The following DKK2 variants were observed in gnomAD, a reference collection of about 807,000 sequenced individuals.
DKK2 encodes the protein dickkopf-related protein 2.
Under a neutral mutation model 28.1 loss-of-function variants are expected in DKK2, and 11 were observed. That is an observed-to-expected ratio of 0.39 (90% CI 0.25 to 0.65). The LOEUF is 0.65. Ranked by LOEUF, DKK2 falls within the 30% of genes least tolerant of loss-of-function variation. DKK2 has a pLI of 0.47. For missense variants in DKK2, 326 were observed against 335.5 expected, an observed-to-expected ratio of 0.97 and a Z score of 0.22; for synonymous variants, 135 against 126.5, an observed-to-expected ratio of 1.07 and a Z score of -0.45.
Position 107,023,313 on chromosome 4 carries a change from A to G in DKK2, c.222+12057T>C, listed in dbSNP as rs960206235. ...ATTTTGGAAAACGATTTTAGCTTATAAAAATAAAACAATCACTGTGAAAAG... is the reference window on the plus strand; with the variant it reads ...ATTTTGGAAAACGATTTTAGCTTATGAAAATAAAACAATCACTGTGAAAAG... On this transcript the variant is annotated intron_variant, in intron 1 of 3. Transcript: ENST00000285311. 2.6e-5 allele frequency among the ~76,000 whole-genome samples: 4 copies of G among 152,122 alleles called. 1 individual carries two copies. Among genetic ancestry groups the G allele is most frequent in the African/African-American group, 4.8e-5 (2 of 41,452 alleles).
At chr4:106,959,051 T>A (rs1021422571) in intron 1 of DKK2, among the ~76,000 whole-genome samples, 49 of 151,994 alleles carry the variant, frequency 3.2e-4, no homozygotes, top group African/African-American at 1.2e-3. Flanking sequence ...AGATATTAAA[T>A]ACATATGTGT....
chr4:107,027,441 C>T (rs1460510869), intron 1 of DKK2, among the ~76,000 whole-genome samples: 4 of 147,990 alleles, frequency 2.7e-5, no homozygotes, highest in Non-Finnish European at 5.9e-5. Flanking sequence ...TTACCTAAAT[C>T]GCCAAAAAAT....
intron 1 of DKK2, among the ~76,000 whole-genome samples, chr4:106,944,831 A>G (rs1209247309): frequency 6.6e-6 from 1 of 152,072 alleles, no homozygotes; most frequent in Non-Finnish European, 1.5e-5. Flanking sequence ...CCCTTGTTCT[A>G]TAAGAGGAAA....
intron 1 of DKK2, among the ~76,000 whole-genome samples, chr4:106,968,022 G>A (rs1722809431): frequency 6.7e-6 from 1 of 150,200 alleles, no homozygotes. Context: ...ATGAAGGCAG[G>A]AAGGAAGGAA....
intron 1 of DKK2, among the ~76,000 whole-genome samples, chr4:106,969,048 C>T (rs1722824105): frequency 6.6e-6 from 1 of 151,820 alleles, no homozygotes; most frequent in Admixed American, 6.6e-5. Flanking sequence ...AAAAGTACAT[C>T]CCAGTTCTTT....
chr4:107,018,080 G>T (rs1289682121), intron 1 of DKK2, among the ~76,000 whole-genome samples: 2 of 151,990 alleles, frequency 1.3e-5, no homozygotes, highest in African/African-American at 4.8e-5. Context: ...CAAAACGTTG[G>T]CCCAGACTCT....
intron 1 of DKK2, among the ~76,000 whole-genome samples, chr4:107,023,273 T>G (rs1211376270): frequency 2.0e-5 from 3 of 152,238 alleles, no homozygotes; most frequent in Middle Eastern, 3.4e-3. Context: ...TGGATAAAAT[T>G]AAGAGTTTTC....
intron 1 of DKK2, among the ~76,000 whole-genome samples, chr4:106,972,421 T>TAAAAAA (rs71590172): frequency 1.4e-5 from 2 of 138,150 alleles, no homozygotes; most frequent in Non-Finnish European, 1.6e-5. Context: ...AATGAAAATC[T>TAAAAAA]AAAAAAAAAA....
chr4:106,976,839 G>A (rs1009540914), intron 1 of DKK2, among the ~76,000 whole-genome samples: 2 of 152,146 alleles, frequency 1.3e-5, no homozygotes, highest in Non-Finnish European at 2.9e-5. Flanking sequence ...AGGGTCGATG[G>A]TCTTTACAAT....
chr4:106,930,336 C>T (rs1724484201), intron 1 of DKK2, among the ~76,000 whole-genome samples: 1 of 152,020 alleles, frequency 6.6e-6, no homozygotes, highest in African/African-American at 2.4e-5. Flanking sequence ...AAGAAAAGGC[C>T]CAATAACTTG....
chr4:106,942,031 T>G (rs1302457594), intron 1 of DKK2, among the ~76,000 whole-genome samples: 1 of 152,156 alleles, frequency 6.6e-6, no homozygotes, highest in African/African-American at 2.4e-5. Flanking sequence ...GAGATTTATG[T>G]CTAGTGAACA....
chr4:106,999,683 A>G (rs1723329875), intron 1 of DKK2, among the ~76,000 whole-genome samples: 1 of 152,196 alleles, frequency 6.6e-6, no homozygotes, highest in Non-Finnish European at 1.5e-5. Flanking sequence ...AAATTCAGCC[A>G]CCATGCCTCC....
chr4:106,990,909 ATG>A (rs550546484), intron 1 of DKK2, among the ~76,000 whole-genome samples: 213 of 152,178 alleles, frequency 1.4e-3, no homozygotes, highest in African/African-American at 4.8e-3. Context: ...ACTTCTGTAC[ATG>A]TAGAAGAAAA....
intron 2 of DKK2, 73 bp downstream of exon 2, chr4:106,925,726 T>G (rs1212875377): frequency 2.0e-6 from 3 of 1,520,044 alleles, no homozygotes; most frequent in Admixed American, 2.2e-5. Flanking sequence ...AAGGAGACGA[T>G]AGCCTGACTT....
At chr4:107,025,468 T>C (rs1429600853) in intron 1 of DKK2, among the ~76,000 whole-genome samples, 2 of 151,926 alleles carry the variant, frequency 1.3e-5, no homozygotes, top group Admixed American at 6.6e-5. Flanking sequence ...GGAGTGTGAG[T>C]GGAGGAGGGA....
chr4:106,925,885 C>T lies in DKK2; in HGVS notation c.287G>A (p.Gly96Glu), dbSNP rs1724417591. The T allele has an allele frequency of 1.2e-6, 2 of 1,613,736 alleles. No homozygotes were observed. The highest frequency in any genetic ancestry group is 1.7e-6 in the Non-Finnish European group (2 of 1,179,898). ...CCGACACACCATGCAGGCCGATGAT[C>T]CTTGGTGGGGACTGTGGCAATACCT... ...VGRYCHSPHQ[G>E]SSACMVCRRK... The change falls in exon 2 of 4, where the codon GGA becomes GAA. Residue 96 changes from glycine to glutamate, a missense_variant. Gly to Glu is a moderately conservative substitution (Grantham distance 98). Transcript: ENST00000285311.
At chr4:107,021,755 C>CA (rs1275079320) in intron 1 of DKK2, among the ~76,000 whole-genome samples, 1 of 151,854 alleles carries the variant, frequency 6.6e-6, no homozygotes, top group Admixed American at 6.6e-5. Context: ...TTTACGAAGG[C>CA]AAAAAAATCA....
intron 1 of DKK2, among the ~76,000 whole-genome samples, chr4:106,953,619 T>C (rs1050844493): frequency 1.3e-5 from 2 of 152,156 alleles, no homozygotes; most frequent in Non-Finnish European, 2.9e-5. Context: ...TTTCCACCCA[T>C]CACTCAGAAG....
intron 1 of DKK2, among the ~76,000 whole-genome samples, chr4:106,994,967 A>T (rs1285195867): frequency 1.3e-5 from 2 of 152,160 alleles, no homozygotes; most frequent in African/African-American, 2.4e-5. Flanking sequence ...CTACAACAAA[A>T]ATTTCTCAAG....
Sources: gnomAD v4.1 joint callset for allele counts (sites outside exome capture counted in the v4.1 genomes callset) on GRCh38, gnomAD v4.1.1 for gene constraint, MANE v1.5 for transcripts, NCBI Gene and HGNC (gene_info 2026-07-23, HGNC 2026-07-21) for gene names.